MAP3K5: variants seen among roughly 807,000 people sequenced by gnomAD.
MAP3K5 encodes the protein mitogen-activated protein kinase kinase kinase 5.
In MAP3K5, 56 loss-of-function variants were observed where a neutral mutation model predicts 158.7. The observed-to-expected ratio is 0.35, with a 90% CI of 0.28 to 0.44. The LOEUF (loss-of-function observed/expected upper bound fraction) is 0.44, where lower values mean the gene tolerates loss of function less well. Ranked by LOEUF, MAP3K5 falls within the 20% of genes least tolerant of loss-of-function variation. MAP3K5 has a pLI of 1.00. For synonymous variants in MAP3K5, 579 were observed against 601.7 expected, an observed-to-expected ratio of 0.96 and a Z score of 0.55; for missense variants, 1,294 against 1,674.8, an observed-to-expected ratio of 0.77 and a Z score of 3.97.
In MAP3K5 at chr6:136,659,289, C is replaced by T. The variant is rs752078321; in HGVS notation, c.1456G>A (p.Val486Ile). The T allele has an allele frequency of 1.9e-5, 30 of 1,613,944 alleles. No homozygotes were observed. The highest frequency in any genetic ancestry group is 1.8e-4 in the South Asian group (16 of 91,084). Residue 486 changes from valine (V) to isoleucine (I), a missense_variant, in exon 9 of 30, where the codon GTC becomes ATC. By Grantham distance (29) the Val-to-Ile change is conservative. This residue lies in a region of MAP3K5 where 690 missense variants were observed against 870.5 expected (regional missense o/e 0.79). Coordinates refer to ENST00000359015, the MANE Select transcript of MAP3K5 (RefSeq NM_005923.4). Reference sequence around the variant, plus strand: ...ACTCTCATGTGGTCATTGGCTAGGACGCTGGCCCCCAGAAAAAATCCAACT... The same window carrying T: ...ACTCTCATGTGGTCATTGGCTAGGATGCTGGCCCCCAGAAAAAATCCAACT... ...WEVGFFLGAS[V>I]LANDHMRVIQ...
intron 1 of MAP3K5, 85 bp downstream of exon 1, chr6:136,791,625 G>C: frequency 6.9e-7 from 1 of 1,454,682 alleles, no homozygotes; most frequent in Non-Finnish European, 9.5e-7. Flanking sequence ...AATGCTTCCC[G>C]CCCAGAAAAA....
rs770386168 is a variant in MAP3K5 at position 136,567,679 on chromosome 6, T to C, written c.3713A>G (p.His1238Arg). 2 of 1,614,048 alleles carry C rather than the reference T, an allele frequency of 1.2e-6. No individual in the cohort carries two copies. Among genetic ancestry groups the C allele is most frequent in the East Asian group, 2.2e-5 (1 of 44,890 alleles). The change falls in exon 26 of 30, where the codon CAC becomes CGC. Residue 1238 changes from histidine (H) to arginine (R), a missense_variant. Around this residue, in one of 5 missense-constraint regions of MAP3K5, gnomAD observed 199 missense variants for 220.3 expected, o/e 0.90. Coordinates refer to ENST00000359015, the MANE Select transcript of MAP3K5 (RefSeq NM_005923.4). ...STVSHDSQSAHRSLNVQLGRM... is the reference protein window; with the variant it reads ...STVSHDSQSARRSLNVQLGRM... Reference sequence around the variant, plus strand: ...TCCAAGCTGTACATTCAGTGACCGGTGAGCACTCTGGGAATCATGAGACAC... The same window carrying C: ...TCCAAGCTGTACATTCAGTGACCGGCGAGCACTCTGGGAATCATGAGACAC...
At chr6:136,606,297 G>A (rs1404286528) in intron 18 of MAP3K5, among the ~76,000 whole-genome samples, 2 of 152,148 alleles carry the variant, frequency 1.3e-5, no homozygotes. Flanking sequence ...GTTGCAGTGA[G>A]CCGAGATCAC....
intron 1 of MAP3K5, among the ~76,000 whole-genome samples, chr6:136,780,939 C>A (rs905973553): frequency 4.6e-5 from 7 of 152,166 alleles, no homozygotes; most frequent in Non-Finnish European, 8.8e-5. Context: ...CATCTTTATA[C>A]TCCTGAAGAT....
chr6:136,754,381 C>T (rs1267404760), intron 1 of MAP3K5, among the ~76,000 whole-genome samples: 2 of 152,028 alleles, frequency 1.3e-5, no homozygotes, highest in East Asian at 3.9e-4. Context: ...AATTCAACAC[C>T]AGCCTGGGCA....
Position 136,601,828 on chromosome 6 carries a change from T to G in MAP3K5, c.2831A>C (p.Lys944Thr). The change falls in exon 20 of 30, where the codon AAG (lysine) becomes ACG (threonine). Residue 944 changes from lysine to threonine, a missense_variant. Transcript: ENST00000359015. ...VDEFLKVSSK[K>T]KKTQPKLSAL... Reference sequence around the variant, plus strand: ...TGAAAGCTTAGGTTGTGTCTTTTTCTTTTTGCTTGAAACTTTTAAAAACTC... The same window carrying G: ...TGAAAGCTTAGGTTGTGTCTTTTTCGTTTTGCTTGAAACTTTTAAAAACTC... 6.2e-7 allele frequency: 1 copy of G among 1,614,156 alleles called. No individual in the cohort carries two copies. The highest frequency in any genetic ancestry group is 8.5e-7 in the Non-Finnish European group (1 of 1,180,014).
At chr6:136,639,368 A>C (rs186643478) in intron 13 of MAP3K5, among the ~76,000 whole-genome samples, 175 bp downstream of exon 13, 2,094 of 149,356 alleles carry the variant, frequency 0.014, 45 homozygotes, top group African/African-American at 0.044. Context: ...ATTAAAGAAA[A>C]CCCCCCCCCA....
At chr6:136,587,251 A>G (rs1417467464) in intron 23 of MAP3K5, among the ~76,000 whole-genome samples, 1 of 152,230 alleles carries the variant, frequency 6.6e-6, no homozygotes, top group Non-Finnish European at 1.5e-5. Context: ...TATAGATACA[A>G]ATATGTATCT....
intron 14 of MAP3K5, 74 bp downstream of exon 14, chr6:136,637,251 T>C (rs1777681842): frequency 1.5e-6 from 2 of 1,336,310 alleles, no homozygotes; most frequent in African/African-American, 1.4e-5. Context: ...ACACCCTGCC[T>C]CCTGCCTCAG....
At chr6:136,639,775 T>G (rs577175184) in intron 12 of MAP3K5, 137 bp from the exon 13 acceptor site, 3 of 581,210 alleles carry the variant, frequency 5.2e-6, no homozygotes, top group Non-Finnish European at 9.2e-6. Context: ...AATAGCACTT[T>G]AAAAAGTGAT....
At chr6:136,658,313 C>CTTTCTTTTTTT (rs1385942479) in intron 9 of MAP3K5, among the ~76,000 whole-genome samples, 1 of 90,484 alleles carries the variant, frequency 1.1e-5, no homozygotes, top group African/African-American at 4.3e-5. Flanking sequence ...TTCTTTCTTT[C>CTTTCTTTTTTT]TTTTTTTTTT....
chr6:136,705,524 T>C (rs1583450642), intron 2 of MAP3K5, among the ~76,000 whole-genome samples: 2 of 152,122 alleles, frequency 1.3e-5, no homozygotes, highest in East Asian at 3.9e-4. Context: ...CAGGTTGGTC[T>C]CCAACTCCTG....
At chr6:136,637,055 C>T (rs1371332722) in intron 14 of MAP3K5, 1 of 1,267,198 alleles carries the variant, frequency 7.9e-7, no homozygotes, top group Non-Finnish European at 1.0e-6. Flanking sequence ...GACACCGTGG[C>T]CCATGCATTG....
chr6:136,592,731 A>C, intron 21 of MAP3K5, 117 bp from the exon 22 acceptor site: 1 of 883,648 alleles, frequency 1.1e-6, no homozygotes, highest in South Asian at 1.4e-5. Flanking sequence ...AATGAGCAGC[A>C]TAATTATGCT....
chr6:136,784,099 G>A (rs923722161), intron 1 of MAP3K5, among the ~76,000 whole-genome samples: 1 of 152,164 alleles, frequency 6.6e-6, no homozygotes, highest in Non-Finnish European at 1.5e-5. Context: ...GGTGAGACAA[G>A]CCTGTGTTAT....
chr6:136,791,380 C>T (rs770282818), intron 1 of MAP3K5, among the ~76,000 whole-genome samples: 4 of 152,128 alleles, frequency 2.6e-5, no homozygotes, highest in Admixed American at 1.3e-4. Context: ...AGAAGCGAAA[C>T]CGAGACACTG....
At chr6:136,745,873 T>G (rs1782934096) in intron 1 of MAP3K5, among the ~76,000 whole-genome samples, 1 of 152,188 alleles carries the variant, frequency 6.6e-6, no homozygotes, top group South Asian at 2.1e-4. Flanking sequence ...AACCCAGAGA[T>G]TTCTTAGTCA....
intron 13 of MAP3K5, among the ~76,000 whole-genome samples, chr6:136,637,724 T>C (rs1008623562): frequency 2.0e-5 from 3 of 152,034 alleles, no homozygotes; most frequent in Non-Finnish European, 4.4e-5. Context: ...GAGAAACAGA[T>C]TGGCATCCTG....
intron 1 of MAP3K5, among the ~76,000 whole-genome samples, chr6:136,729,532 C>T (rs959561012): frequency 6.6e-6 from 1 of 152,184 alleles, no homozygotes; most frequent in Non-Finnish European, 1.5e-5. Flanking sequence ...AAAATGTGAT[C>T]GAAGACAATG....
Sources: allele counts gnomAD v4.1 joint callset (sites outside exome capture counted in the v4.1 genomes callset), GRCh38; gene constraint gnomAD v4.1.1; regional missense constraint gnomAD v4.1.1; transcripts MANE v1.5; gene names NCBI Gene and HGNC (gene_info 2026-07-23, HGNC 2026-07-21).